The following PTGER4 variants were observed in gnomAD, a reference collection of about 807,000 sequenced individuals.
PTGER4 encodes the protein prostaglandin E receptor 4.
In PTGER4, 11 loss-of-function variants were observed where a neutral mutation model predicts 33.2. That is an observed-to-expected ratio of 0.33 (90% CI 0.21 to 0.55). The LOEUF (loss-of-function observed/expected upper bound fraction) is 0.55, where lower values mean the gene tolerates loss of function less well. PTGER4 is among the 20% of genes least tolerant of loss of function. The pLI is 0.92. For missense variants in PTGER4, 481 were observed against 650.2 expected (o/e 0.74, Z 2.83); for synonymous variants, 275 against 281.5 (o/e 0.98, Z 0.23).
downstream of PTGER4, among the ~76,000 whole-genome samples, chr5:40,694,114 A>G (rs1216905387): frequency 6.6e-6 from 1 of 152,102 alleles, no homozygotes; most frequent in Non-Finnish European, 1.5e-5. Context: ...GCATTGGCAC[A>G]ATCTCAGCTC....
At chr5:40,716,665 G>C in the PTGER4 span, among the ~76,000 whole-genome samples, 1 of 152,010 alleles carries the variant, frequency 6.6e-6, no homozygotes, top group Non-Finnish European at 1.5e-5. Flanking sequence ...CTAAACACTG[G>C]GGAAAAAAAT....
chr5:40,692,111 A>C lies in PTGER4; in HGVS notation c.1200A>C (p.Ser400=). Residue 400 remains serine (S), a synonymous_variant, in exon 3 of 3, where the codon TCA becomes TCC. Transcript: ENST00000302472. ...STSQTLLPDL[S]LPDLSENGLG... ...CTCAGACCCTCCTGCCAGACCTCTC[A>C]CTGCCAGACCTCAGTGAAAATGGCC... 6.2e-7 allele frequency: 1 copy of C among 1,614,196 alleles called. No individual in the cohort carries two copies.
At chr5:40,684,084 A>G (rs1038126673) in intron 2 of PTGER4, among the ~76,000 whole-genome samples, 61 of 151,478 alleles carry the variant, frequency 4.0e-4, no homozygotes, top group Middle Eastern at 3.2e-3. Context: ...GTTTAATTAT[A>G]AATTAGTGAT....
chr5:40,697,152 G>T (rs1341240379), downstream of PTGER4, among the ~76,000 whole-genome samples: 35 of 103,300 alleles, frequency 3.4e-4, no homozygotes, highest in African/African-American at 1.3e-3. Context: ...GAAAGAAAGA[G>T]AAAGAAAGAA....
intron 2 of PTGER4, among the ~76,000 whole-genome samples, chr5:40,686,733 CAT>C (rs982558080): frequency 2.6e-5 from 4 of 152,080 alleles, no homozygotes; most frequent in African/African-American, 9.7e-5. Flanking sequence ...GTGTGAATAA[CAT>C]AATTTAAAAA....
chr5:40,713,754 T>C, the PTGER4 span, among the ~76,000 whole-genome samples: 1 of 152,156 alleles, frequency 6.6e-6, no homozygotes, highest in South Asian at 2.1e-4. Flanking sequence ...ACAGTGTTAT[T>C]TCAGAAAGTA....
rs374187379 is a variant in PTGER4, at chr5:40,693,240, T to G, written c.*862T>G. 45 of 983,778 alleles carry G rather than the reference T, an allele frequency of 4.6e-5. No individual in the cohort carries two copies. In the East Asian group the frequency reaches 2.8e-3, roughly 62 times the overall value. The allele number at this position is 983,778 out of a possible 1,614,324, so 60.9% of individuals were successfully genotyped here. ...TATTTTCAACTTTTTCCCTCACTAATTGGTACTTTTAAAAACATAACATAA... is the reference window on the plus strand; with the variant it reads ...TATTTTCAACTTTTTCCCTCACTAAGTGGTACTTTTAAAAACATAACATAA... On this transcript the variant is annotated 3_prime_UTR_variant, in exon 3 of 3. Transcript: ENST00000302472.
the PTGER4 span, among the ~76,000 whole-genome samples, chr5:40,743,567 G>T: frequency 2.0e-5 from 3 of 151,780 alleles, no homozygotes; most frequent in Non-Finnish European, 4.4e-5. Context: ...GAGGTCAGGG[G>T]TTCAAGACCA....
chr5:40,736,021 CAAG>C, the PTGER4 span, among the ~76,000 whole-genome samples: 9 of 152,036 alleles, frequency 5.9e-5, no homozygotes, highest in Non-Finnish European at 1.3e-4. Context: ...TGCATGCCAG[CAAG>C]AAGGACCGAG....
the PTGER4 span, chr5:40,714,604 C>T: frequency 6.6e-6 from 1 of 152,090 alleles, no homozygotes; most frequent in African/African-American, 2.4e-5. Flanking sequence ...CTTTATTAAA[C>T]AAAATAAAAT....
the PTGER4 span, among the ~76,000 whole-genome samples, chr5:40,712,405 C>T: frequency 6.6e-6 from 1 of 152,248 alleles, no homozygotes; most frequent in East Asian, 1.9e-4. Flanking sequence ...CCTCTCCTCT[C>T]CTGACCTCTG....
chr5:40,688,392 A>G (rs1165588317), intron 2 of PTGER4, among the ~76,000 whole-genome samples: 1 of 152,246 alleles, frequency 6.6e-6, no homozygotes, highest in Non-Finnish European at 1.5e-5. Flanking sequence ...TCCAGAGACC[A>G]CACACAGGAC....
chr5:40,745,943 A>G, the PTGER4 span, among the ~76,000 whole-genome samples: 1 of 152,116 alleles, frequency 6.6e-6, no homozygotes. Flanking sequence ...TTTTCAAAAT[A>G]AAAAAGGCCT....
the PTGER4 span, among the ~76,000 whole-genome samples, chr5:40,738,444 A>AAATACAATACAATAC: frequency 8.6e-4 from 72 of 83,662 alleles, 1 homozygote; most frequent in East Asian, 1.3e-3. Flanking sequence ...ATATAAAATA[A>AAATACAATACAATAC]AATACAATAC....
the PTGER4 span, among the ~76,000 whole-genome samples, chr5:40,706,874 T>C: frequency 6.6e-6 from 1 of 152,170 alleles, no homozygotes; most frequent in Admixed American, 6.5e-5. Flanking sequence ...GGGCCAATAT[T>C]CAACATTCTT....
In PTGER4 at chr5:40,692,001, T is replaced by A; in HGVS notation, c.1090T>A (p.Ser364Thr). The change falls in exon 3 of 3, where the codon TCA becomes ACA. Residue 364 changes from serine to threonine, a missense_variant. By Grantham distance (58) the Ser-to-Thr change is moderately conservative (BLOSUM62 1). Coordinates refer to ENST00000302472, the MANE Select transcript of PTGER4 (RefSeq NM_000958.3). ...CAGGGAGCGCTCCGGACAGCACTGC[T>A]CAGACAGTCAAAGGACATCTTCTGC... ...SRRERSGQHC[S>T]DSQRTSSAMS... 6.2e-7 allele frequency: 1 copy of A among 1,614,098 alleles called. No individual in the cohort carries two copies. Among genetic ancestry groups the A allele is most frequent in the South Asian group, 1.1e-5 (1 of 91,086 alleles).
At chr5:40,694,146 G>A (rs1741535402), downstream of PTGER4, among the ~76,000 whole-genome samples, 1 of 152,106 alleles carries the variant, frequency 6.6e-6, no homozygotes, top group Admixed American at 6.6e-5. Flanking sequence ...CACCTCCCAG[G>A]TTCAAGCAAT....
the PTGER4 span, among the ~76,000 whole-genome samples, chr5:40,727,046 A>G: frequency 6.6e-6 from 1 of 152,306 alleles, no homozygotes; most frequent in East Asian, 1.9e-4. Context: ...ACTTACTTTA[A>G]TCAAATCAAT....
chr5:40,737,747 C>T, the PTGER4 span, among the ~76,000 whole-genome samples: 1 of 152,122 alleles, frequency 6.6e-6, no homozygotes, highest in East Asian at 1.9e-4. Flanking sequence ...GGGAAATCTA[C>T]CCCAACTGCT....
Sources: allele counts gnomAD v4.1 joint callset (sites outside exome capture counted in the v4.1 genomes callset), GRCh38; gene constraint gnomAD v4.1.1; transcripts MANE v1.5; gene names NCBI Gene and HGNC (gene_info 2026-07-23, HGNC 2026-07-21).